MAP3K7CL: variants seen among roughly 807,000 people sequenced by gnomAD.
MAP3K7CL encodes MAP3K7 C-terminal-like protein.
Under a neutral mutation model 18.6 loss-of-function variants are expected in MAP3K7CL, and 16 were observed. That is an observed-to-expected ratio of 0.86 (90% confidence interval 0.58 to 1.31). The LOEUF (loss-of-function observed/expected upper bound fraction) is 1.31. Ranked by LOEUF, MAP3K7CL falls within the 50% of genes most tolerant of loss-of-function variation. MAP3K7CL has a pLI of 0.00. For missense variants in MAP3K7CL, 163 were observed against 174.4 expected (o/e 0.93, Z 0.37); for synonymous variants, 65 against 66.8 (o/e 0.97, Z 0.13).
At chr21:29,164,500 T>G (rs1043810250) in intron 4 of MAP3K7CL, among the ~76,000 whole-genome samples, 2 of 152,262 alleles carry the variant, frequency 1.3e-5, no homozygotes, top group Admixed American at 1.3e-4. Context: ...GCTTAAGGTT[T>G]GAACTCCAAA....
intron 2 of MAP3K7CL, among the ~76,000 whole-genome samples, chr21:29,141,781 A>G (rs2087014464): frequency 1.3e-5 from 2 of 152,156 alleles, no homozygotes; most frequent in African/African-American, 4.8e-5. Flanking sequence ...TCCAATGTAT[A>G]TTAAATAATT....
intron 4 of MAP3K7CL, among the ~76,000 whole-genome samples, chr21:29,111,952 C>A (rs1261050129): frequency 1.3e-5 from 2 of 152,116 alleles, no homozygotes; most frequent in Admixed American, 1.3e-4. Context: ...CTTTGTATTG[C>A]CTCCTCTCCA....
intron 3 of MAP3K7CL, among the ~76,000 whole-genome samples, chr21:29,156,887 C>T (rs969917179): frequency 3.3e-5 from 5 of 152,050 alleles, no homozygotes; most frequent in Non-Finnish European, 2.9e-5. Flanking sequence ...TTCCGTTGAC[C>T]GGAGAGCACT....
chr21:29,089,087 T>C lies in MAP3K7CL; in HGVS notation c.58-2414T>C, dbSNP rs554752982. Among the ~76,000 whole-genome samples, 6 of 144,548 alleles carry C rather than the reference T, an allele frequency of 4.2e-5. 1 individual carries two copies. In the South Asian group the frequency reaches 1.3e-3, roughly 32 times the overall value. The allele number at this position is 144,548 out of a possible 152,430, so 94.8% of individuals were successfully genotyped here. ...TGGGAGGCTGAGGCAGGAGAATCAC[T>C]TGTACCCAGGAGGGAGAGGTTGCAG... On this transcript the variant is annotated intron_variant, in intron 1 of 6. Transcript: ENST00000286791.
At chr21:29,108,378 C>G (rs2086360979) in intron 4 of MAP3K7CL, among the ~76,000 whole-genome samples, 1 of 152,116 alleles carries the variant, frequency 6.6e-6, no homozygotes. Flanking sequence ...CTTGGACTTC[C>G]TAGCCTAGAA....
chr21:29,100,051 C>G (rs2086197119), intron 4 of MAP3K7CL, among the ~76,000 whole-genome samples: 1 of 147,258 alleles, frequency 6.8e-6, no homozygotes, highest in African/African-American at 2.5e-5. Context: ...CCACCTCACT[C>G]TAGCCTGGGC....
Position 29,174,932 on chromosome 21 carries a change from G to T in MAP3K7CL, c.*40G>T, listed in dbSNP as rs760612041. The T allele has an allele frequency of 1.9e-6, 3 of 1,579,076 alleles. No homozygotes were observed. In the African/African-American group the frequency reaches 4.1e-5, roughly 21 times the overall value. On this transcript the variant is annotated 3_prime_UTR_variant, in exon 5 of 5. Transcript: ENST00000399928. ...GTGTGAGCATACGAGGCTGATGACT[G>T]CCCTGTGCTGGCCAAAAGATTTTTA...
intron 4 of MAP3K7CL, chr21:29,122,188 T>C (rs2086605213): frequency 6.6e-6 from 1 of 152,184 alleles, no homozygotes; most frequent in Non-Finnish European, 1.5e-5. Context: ...CAGCACTCAA[T>C]CCCTTACGGG....
chr21:29,095,700 G>A (rs1318825598), intron 4 of MAP3K7CL, among the ~76,000 whole-genome samples: 1 of 152,174 alleles, frequency 6.6e-6, no homozygotes, highest in African/African-American at 2.4e-5. Flanking sequence ...ACTGTACATG[G>A]TAATATCTGG....
chr21:29,112,326 T>TA (rs2086433072), intron 4 of MAP3K7CL, among the ~76,000 whole-genome samples: 2 of 151,924 alleles, frequency 1.3e-5, no homozygotes, highest in Admixed American at 6.6e-5. Flanking sequence ...AAATAAAACA[T>TA]AAAAAAATCT....
chr21:29,103,979 A>G (rs907047612), intron 4 of MAP3K7CL, among the ~76,000 whole-genome samples: 1 of 152,032 alleles, frequency 6.6e-6, no homozygotes, highest in Non-Finnish European at 1.5e-5. Context: ...TTTTTCTTGC[A>G]CAGCAGTAGA....
chr21:29,159,457 A>G (rs761570125), intron 3 of MAP3K7CL, among the ~76,000 whole-genome samples: 1 of 152,142 alleles, frequency 6.6e-6, no homozygotes, highest in Non-Finnish European at 1.5e-5. Flanking sequence ...TTTAGCCCAA[A>G]TGCATTTCTC....
intron 2 of MAP3K7CL, among the ~76,000 whole-genome samples, chr21:29,134,179 C>T (rs1037998475): frequency 2.0e-5 from 3 of 152,034 alleles, no homozygotes; most frequent in African/African-American, 7.2e-5. Context: ...TGAGGACTCT[C>T]TCTCTCTCTC....
rs138477489 is a variant in MAP3K7CL, at chr21:29,106,401, C to G, written c.370+13820C>G. ...TTTCACCTGTTGGCCAGGCTGGTCT[C>G]GAATCCCTGACCTCAGGTGATCCGC... On this transcript the variant is annotated intron_variant, in intron 4 of 6. Coordinates refer to the MAP3K7CL transcript ENST00000286791. Among the ~76,000 whole-genome samples the G allele has an allele frequency of 7.2e-5, 11 of 152,172 alleles. 1 individual carries two copies. The highest frequency in any genetic ancestry group is 6.3e-4 in the South Asian group (3 of 4,798).
exon 3 of MAP3K7CL, chr21:29,091,760 A>G: frequency 1.4e-6 from 1 of 702,502 alleles, no homozygotes. Context: ...CTTGGATTAC[A>G]GGTATGAACT....
intron 3 of MAP3K7CL, among the ~76,000 whole-genome samples, chr21:29,151,614 G>A (rs1293769570): frequency 2.0e-5 from 3 of 152,166 alleles, no homozygotes; most frequent in African/African-American, 4.8e-5. Context: ...GAAATCAGGT[G>A]AAAATAAGGA....
upstream of MAP3K7CL, among the ~76,000 whole-genome samples, chr21:29,082,544 C>T (rs1207914233): frequency 6.6e-6 from 1 of 152,116 alleles, no homozygotes; most frequent in East Asian, 1.9e-4. Context: ...TGGTCTCAGC[C>T]TCTAGTAGGT....
upstream of MAP3K7CL, among the ~76,000 whole-genome samples, chr21:29,081,790 T>C (rs1303333341): frequency 6.6e-6 from 1 of 152,248 alleles, no homozygotes; most frequent in Non-Finnish European, 1.5e-5. Context: ...AAGCAGGCTT[T>C]TGGCAAGTTT....
intron 3 of MAP3K7CL, among the ~76,000 whole-genome samples, chr21:29,156,032 T>C (rs887034152): frequency 1.3e-5 from 2 of 152,252 alleles, no homozygotes; most frequent in African/African-American, 4.8e-5. Flanking sequence ...TCAACTCAAC[T>C]ATCTTTGGAT....
Sources: gnomAD v4.1 joint callset for allele counts (sites outside exome capture counted in the v4.1 genomes callset) on GRCh38, gnomAD v4.1.1 for gene constraint, MANE v1.5 for transcripts, NCBI Gene and HGNC (gene_info 2026-07-23, HGNC 2026-07-21) for gene names.